Variants in PIK3CG observed in about 807,000 individuals in gnomAD.
PIK3CG encodes the protein phosphatidylinositol-4,5-bisphosphate 3-kinase catalytic subunit gamma.
Under a neutral mutation model 102.3 loss-of-function variants are expected in PIK3CG, and 55 were observed. That is an observed-to-expected ratio of 0.54 (90% CI 0.43 to 0.67). The LOEUF is 0.67. Among genes scored for constraint, PIK3CG ranks in the 30% least tolerant of loss-of-function variants. The pLI, the probability that PIK3CG is intolerant of heterozygous loss-of-function variation, is 0.00. For synonymous variants in PIK3CG, 552 were observed against 540.0 expected (o/e 1.02, Z -0.31); for missense variants, 1,258 against 1,391.8 (o/e 0.90, Z 1.53).
At position 106,886,133 on chromosome 7, in the gene PIK3CG, A is replaced by T. The variant is rs2116560260; in HGVS notation, c.2873-2A>T. On this transcript the variant is annotated splice_acceptor_variant, in intron 9 of 10. Coordinates refer to ENST00000496166, the MANE Select transcript of PIK3CG (RefSeq NM_001282426.2). LOFTEE classifies it high-confidence loss of function. ...TGATGTCAGATACTTTCTTCTCTTA[A>T]GGAAACCTATTTCATATTGACTTCG... 6.2e-7 allele frequency: 1 copy of T among 1,613,622 alleles called. No homozygotes were observed. Among genetic ancestry groups the T allele is most frequent in the Non-Finnish European group, 8.5e-7 (1 of 1,179,672 alleles).
At chr7:106,881,755 C>T (rs1219031200) in intron 6 of PIK3CG, among the ~76,000 whole-genome samples, 1 of 152,158 alleles carries the variant, frequency 6.6e-6, no homozygotes, top group African/African-American at 2.4e-5. Context: ...GAGGCTGAGG[C>T]AGGAGAATCA....
Position 106,880,675 on chromosome 7 carries a change from T to A in PIK3CG, c.2538+1010T>A, listed in dbSNP as rs1344574020. Among the ~76,000 whole-genome samples the A allele has an allele frequency of 6.6e-6, 1 of 152,096 alleles. No homozygotes were observed. The highest frequency in any genetic ancestry group is 1.5e-5 in the Non-Finnish European group (1 of 68,006). ...CTTTGCCCTTTATGTACTTTGTGGTTTTGTTTTTTTTTAATTTTTTTAAGA... is the reference window on the plus strand; with the variant it reads ...CTTTGCCCTTTATGTACTTTGTGGTATTGTTTTTTTTTAATTTTTTTAAGA... On this transcript the variant is annotated intron_variant, in intron 6 of 10. Transcript: ENST00000496166. The surrounding 1 kb of genome is among the most constrained non-coding windows in gnomAD (Gnocchi z 4.2).
rs369976624 is a variant in PIK3CG, at chr7:106,868,089, G to A, written c.528G>A (p.Thr176=). 2 of 1,612,888 alleles carry A rather than the reference G, an allele frequency of 1.2e-6. No individual in the cohort carries two copies. The highest frequency in any genetic ancestry group is 1.7e-5 in the Admixed American group (1 of 59,990). The change falls in exon 2 of 11, where the codon ACG becomes ACA. Residue 176 remains threonine, a synonymous_variant. Coordinates refer to ENST00000496166, the MANE Select transcript of PIK3CG (RefSeq NM_001282426.2). This position sits in a 1 kb window ranked among gnomAD's most constrained non-coding sequence, Gnocchi z 6.2. ...TGCACGACGATGAGCTGGAGTTCAC[G>A]CGCCGTGGCTTGGTGACCCCGCGCA... ...SNVHDDELEF[T]RRGLVTPRMA... is the part of the protein sequence containing the mutation.
In PIK3CG at chr7:106,872,274, C is replaced by T. The variant is rs955007941; in HGVS notation, c.1996-263C>T. Among the ~76,000 whole-genome samples, 1 of 152,160 alleles carries T rather than the reference C, an allele frequency of 6.6e-6. No homozygotes were observed. The highest frequency in any genetic ancestry group is 2.4e-5 in the African/African-American group (1 of 41,416). On this transcript the variant is annotated intron_variant, in intron 2 of 10. Coordinates refer to ENST00000496166, the MANE Select transcript of PIK3CG (RefSeq NM_001282426.2). This position sits in a 1 kb window ranked among gnomAD's most constrained non-coding sequence, Gnocchi z 5.3. ...CTCACCTCTTCACCTTTGAATTTATCAGCAGCACATGACTGTGAGTCAAAA... is the reference window on the plus strand; with the variant it reads ...CTCACCTCTTCACCTTTGAATTTATTAGCAGCACATGACTGTGAGTCAAAA...
rs576543974 is a variant in PIK3CG, at chr7:106,891,282, T to C, written c.3030+4990T>C. Among the ~76,000 whole-genome samples, 21 of 152,314 alleles carry C rather than the reference T, an allele frequency of 1.4e-4. No individual in the cohort carries two copies. The highest frequency in any genetic ancestry group is 1.0e-3 in the Admixed American group (16 of 15,304). ...AGTTTCACAATAACTCAGGCCCAGA[T>C]TGACAGACCATCATCACATGGAAGG... On this transcript the variant is annotated intron_variant, in intron 10 of 10. Coordinates refer to ENST00000496166, the MANE Select transcript of PIK3CG (RefSeq NM_001282426.2). This position sits in a 1 kb window ranked among gnomAD's most constrained non-coding sequence, Gnocchi z 4.4.
chr7:106,886,373 A>T (rs1791093464), intron 10 of PIK3CG, 81 bp downstream of exon 10: 1 of 1,460,930 alleles, frequency 6.8e-7, no homozygotes, highest in Non-Finnish European at 9.4e-7. Flanking sequence ...TTCACCTCTC[A>T]CTCAGCTTGG....
Position 106,907,980 on chromosome 7 carries a change from G to A in PIK3CG, c.*2593G>A, listed in dbSNP as rs1428298658. On this transcript the variant is annotated 3_prime_UTR_variant, in exon 11 of 11. Transcript: ENST00000496166. ...TACTGTTCGCAGTGAATTACATGAC[G>A]AACAACTTCTATACCTTTGAAAATG... Among the ~76,000 whole-genome samples, 2 of 151,726 alleles carry A rather than the reference G, an allele frequency of 1.3e-5. No individual in the cohort carries two copies. Among genetic ancestry groups the A allele is most frequent in the Non-Finnish European group, 2.9e-5 (2 of 67,982 alleles).
Position 106,868,975 on chromosome 7 carries a change from C to T in PIK3CG, c.1414C>T (p.Arg472Cys), listed in dbSNP as rs864622026. The T allele has an allele frequency of 1.9e-6, 3 of 1,614,046 alleles. No homozygotes were observed. The highest frequency in any genetic ancestry group is 3.3e-5 in the Admixed American group (2 of 60,000). Reference sequence around the variant, plus strand: ...TGTGAACCTGCTGCTGATAGACCACCGTTTCCTCCTGCGCCGTGGAGAATA... The same window carrying T: ...TGTGAACCTGCTGCTGATAGACCACTGTTTCCTCCTGCGCCGTGGAGAATA... ...YYVNLLLIDH[R>C]FLLRRGEYVL... The change falls in exon 2 of 11, where the codon CGT becomes TGT. Residue 472 changes from arginine to cysteine, a missense_variant. Coordinates refer to ENST00000496166, the MANE Select transcript of PIK3CG (RefSeq NM_001282426.2). The surrounding 1 kb of genome is among the most constrained non-coding windows in gnomAD (Gnocchi z 6.2).
At position 106,907,112 on chromosome 7, in the gene PIK3CG, C is replaced by T. The variant is rs894439185; in HGVS notation, c.*1725C>T. 2 of 191,044 alleles carry T rather than the reference C, an allele frequency of 1.0e-5. No homozygotes were observed. The highest frequency in any genetic ancestry group is 2.0e-4 in the South Asian group (1 of 5,124). The allele number at this position is 191,044 out of a possible 1,614,324, so 11.8% of individuals were successfully genotyped here. On this transcript the variant is annotated 3_prime_UTR_variant, in exon 11 of 11. Coordinates refer to ENST00000496166, the MANE Select transcript of PIK3CG (RefSeq NM_001282426.2). ...CTCCAGCCTGGATAACAGAGCGAGA[C>T]CCTGTCTCAAAAAAATAAAATAAAA...
rs2116480623 is a variant in PIK3CG, at chr7:106,872,469, C to T, written c.1996-68C>T. The T allele has an allele frequency of 1.6e-6, 2 of 1,225,292 alleles. No individual in the cohort carries two copies. The highest frequency in any genetic ancestry group is 2.4e-6 in the Non-Finnish European group (2 of 832,104). 75.9% of individuals were successfully genotyped at this position (1,225,292 alleles called of 1,614,324 possible). ...GTAAAGCAGAGCACCAGTTCTTCTC[C>T]ATTTCCTTTTCCCTGATTCAACGAC... is the stretch of plus-strand genomic sequence containing the variant. On this transcript the variant is annotated intron_variant, in intron 2 of 10. Transcript: ENST00000496166. The surrounding 1 kb of genome is among the most constrained non-coding windows in gnomAD (Gnocchi z 5.3).
At position 106,902,407 on chromosome 7, in the gene PIK3CG, A is replaced by G. The variant is rs906836376; in HGVS notation, c.3031-2702A>G. ...GCATCAGTCATGTAACCACCATCACAATTAAGTTATATAACATTTATAAGC... is the reference window on the plus strand; with the variant it reads ...GCATCAGTCATGTAACCACCATCACGATTAAGTTATATAACATTTATAAGC... On this transcript the variant is annotated intron_variant, in intron 10 of 10. Coordinates refer to ENST00000496166, the MANE Select transcript of PIK3CG (RefSeq NM_001282426.2). The surrounding 1 kb of genome is among the most constrained non-coding windows in gnomAD (Gnocchi z 4.3). Among the ~76,000 whole-genome samples, 4 of 152,134 alleles carry G rather than the reference A, an allele frequency of 2.6e-5. No individual in the cohort carries two copies. Among genetic ancestry groups the G allele is most frequent in the African/African-American group, 9.7e-5 (4 of 41,430 alleles).
chr7:106,879,444 C>A lies in PIK3CG; in HGVS notation c.2392-75C>A. 1 of 1,181,402 alleles carries A rather than the reference C, an allele frequency of 8.5e-7. No homozygotes were observed. Among genetic ancestry groups the A allele is most frequent in the Non-Finnish European group, 1.3e-6 (1 of 795,444 alleles). 73.2% of individuals were successfully genotyped at this position (1,181,402 alleles called of 1,614,324 possible). A position where few individuals can be genotyped will look rare whatever the true frequency, so the allele number is the denominator to read the frequency against. ...CCTTGTTGTTTATAGTGATGTTTTG[C>A]AAGAGAATTTGTGTCTCCACCATGT... On this transcript the variant is annotated intron_variant, in intron 5 of 10. Coordinates refer to ENST00000496166, the MANE Select transcript of PIK3CG (RefSeq NM_001282426.2). This position sits in a 1 kb window ranked among gnomAD's most constrained non-coding sequence, Gnocchi z 4.9.
At position 106,897,653 on chromosome 7, in the gene PIK3CG, T is replaced by C. The variant is rs916416458; in HGVS notation, c.3031-7456T>C. 6.6e-6 allele frequency among the ~76,000 whole-genome samples: 1 copy of C among 152,230 alleles called. No homozygotes were observed. The highest frequency in any genetic ancestry group is 6.5e-5 in the Admixed American group (1 of 15,278). ...AGTATTTGGATTTCTGTCTCTGCAT[T>C]AGTTTGCTAAAGATAATAGCCCCCA... On this transcript the variant is annotated intron_variant, in intron 10 of 10. Coordinates refer to ENST00000496166, the MANE Select transcript of PIK3CG (RefSeq NM_001282426.2). This position sits in a 1 kb window ranked among gnomAD's most constrained non-coding sequence, Gnocchi z 4.6.
chr7:106,880,440 G>A lies in PIK3CG; in HGVS notation c.2538+775G>A, dbSNP rs73723236. On this transcript the variant is annotated intron_variant, in intron 6 of 10. Coordinates refer to ENST00000496166, the MANE Select transcript of PIK3CG (RefSeq NM_001282426.2). The surrounding 1 kb of genome is among the most constrained non-coding windows in gnomAD (Gnocchi z 4.2). Reference sequence around the variant, plus strand: ...ATAGAAACAGGAATACCTTTGCTTTGCCTTTGCTTTGCCTTTGCTTTGCTT... The same window carrying A: ...ATAGAAACAGGAATACCTTTGCTTTACCTTTGCTTTGCCTTTGCTTTGCTT... Among the ~76,000 whole-genome samples the A allele has an allele frequency of 6.5e-4, 1 of 1,532 alleles. No individual in the cohort carries two copies. Among genetic ancestry groups the A allele is most frequent in the African/African-American group, 1.2e-3 (1 of 842 alleles). 1.0% of individuals were successfully genotyped at this position (1,532 alleles called of 152,430 possible).
rs1302613015 is a variant in PIK3CG, at chr7:106,893,392, AG to A, written c.3030+7102del. 2.6e-5 allele frequency among the ~76,000 whole-genome samples: 4 copies of A among 152,240 alleles called. No homozygotes were observed. Among genetic ancestry groups the A allele is most frequent in the Admixed American group, 1.3e-4 (2 of 15,286 alleles). On this transcript the variant is annotated intron_variant, in intron 10 of 10. Transcript: ENST00000496166. The surrounding 1 kb of genome is among the most constrained non-coding windows in gnomAD (Gnocchi z 4.4). Reference sequence around the variant, plus strand: ...GACTTGTGCGGCTTGTCAAACTGTTAGGACTTTATTAAGCTTGTCAAATTTA... The same window carrying A: ...GACTTGTGCGGCTTGTCAAACTGTTAGACTTTATTAAGCTTGTCAAATTTA...
intron 10 of PIK3CG, among the ~76,000 whole-genome samples, chr7:106,896,236 T>C (rs144163649): frequency 4.6e-5 from 7 of 152,324 alleles, no homozygotes; most frequent in African/African-American, 1.7e-4. Context: ...AAGTATTTAC[T>C]GAGCACCAGT....
At chr7:106,882,453 TCTTTCCTTCTCCATCTCTAAA>T (rs1790969017) in intron 7 of PIK3CG, 1 of 298,130 alleles carries the variant, frequency 3.4e-6, no homozygotes, top group Non-Finnish European at 6.1e-6. Context: ...TGTTCCCTCC[TCTTTCCTTCTCCATCTCTAAA>T]CTTTAACTCA....
rs1029934732 is a variant in PIK3CG, at chr7:106,872,263, T to G, written c.1996-274T>G. Reference sequence around the variant, plus strand: ...GAGCAAATTCCCTCACCTCTTCACCTTTGAATTTATCAGCAGCACATGACT... The same window carrying G: ...GAGCAAATTCCCTCACCTCTTCACCGTTGAATTTATCAGCAGCACATGACT... On this transcript the variant is annotated intron_variant, in intron 2 of 10. Transcript: ENST00000496166. The surrounding 1 kb of genome is among the most constrained non-coding windows in gnomAD (Gnocchi z 5.3). 4.6e-5 allele frequency among the ~76,000 whole-genome samples: 7 copies of G among 152,318 alleles called. No individual in the cohort carries two copies. The South Asian group carries it at 8.3e-4, about 18-fold the overall frequency.
chr7:106,907,754 AATAT>A lies in PIK3CG; in HGVS notation c.*2375_*2378del, dbSNP rs201378327. On this transcript the variant is annotated 3_prime_UTR_variant, in exon 11 of 11. Coordinates refer to ENST00000496166, the MANE Select transcript of PIK3CG (RefSeq NM_001282426.2). ...TATATATATATAACATATATATGCT[AATAT>A]ATATATAACATATATATGCTAATAT... Among the ~76,000 whole-genome samples the A allele has an allele frequency of 7.0e-6, 1 of 143,444 alleles. No homozygotes were observed. 94.1% of individuals were successfully genotyped at this position (143,444 alleles called of 152,430 possible).
Sources: gnomAD v4.1 joint callset for allele counts (sites outside exome capture counted in the v4.1 genomes callset) on GRCh38, gnomAD v4.1.1 for gene constraint, Gnocchi (gnomAD v3.1) non-coding constraint, MANE v1.5 for transcripts, NCBI Gene and HGNC (gene_info 2026-07-23, HGNC 2026-07-21) for gene names.